Variants in SENP8 observed in about 807,000 individuals in gnomAD.
SENP8 encodes SUMO peptidase family member, NEDD8 specific.
Under a neutral mutation model 14.4 loss-of-function variants are expected in SENP8, and 10 were observed. That is an observed-to-expected ratio of 0.69 (90% CI 0.43 to 1.18). The LOEUF is 1.18. Among genes scored for constraint, SENP8 ranks in the 50% most tolerant of loss-of-function variants. The pLI is 0.00. For missense variants in SENP8, 202 were observed against 249.4 expected (o/e 0.81, Z 1.28); for synonymous variants, 94 against 95.5 (o/e 0.98, Z 0.09).
At position 72,141,580 on chromosome 15, in the gene SENP8, C is replaced by G. The variant is rs2081380672; in HGVS notation, c.*1318C>G. 6.6e-6 allele frequency: 1 copy of G among 152,214 alleles called. No homozygotes were observed. Among genetic ancestry groups the G allele is most frequent in the Admixed American group, 6.6e-5 (1 of 15,264 alleles). 9.4% of individuals were successfully genotyped at this position (152,214 alleles called of 1,614,324 possible). A position where few individuals can be genotyped will look rare whatever the true frequency, so the allele number is the denominator to read the frequency against. On this transcript the variant is annotated 3_prime_UTR_variant, in exon 2 of 2. Coordinates refer to ENST00000340912, the MANE Select transcript of SENP8 (RefSeq NM_145204.4). ...CCCCAGCCCTCATGGCCCAAAATAA[C>G]CTCACCACTCAGTGACCACAGAGAA...
chr15:72,130,557 ATTTTTTT>A (rs11411490), intron 1 of SENP8, among the ~76,000 whole-genome samples: 1 of 106,164 alleles, frequency 9.4e-6, no homozygotes, highest in Non-Finnish European at 1.8e-5. Flanking sequence ...ATGTTTTAGG[ATTTTTTT>A]TTTTTTTTTT....
At position 72,138,475 on chromosome 15, in the gene SENP8, G is replaced by A. The variant is rs1271180618; in HGVS notation, c.-47-1102G>A. Among the ~76,000 whole-genome samples, 5 of 150,486 alleles carry A rather than the reference G, an allele frequency of 3.3e-5. No individual in the cohort carries two copies. The East Asian group carries it at 8.0e-4, about 24-fold the overall frequency. On this transcript the variant is annotated intron_variant, in intron 1 of 1. Coordinates refer to ENST00000340912, the MANE Select transcript of SENP8 (RefSeq NM_145204.4). ...AGCAGTTCTCCCACCTCAGCCTTTC[G>A]AGTAGCTGGGATTACAGGCATGCCC...
chr15:72,137,430 A>G (rs2081337425), intron 1 of SENP8, among the ~76,000 whole-genome samples: 1 of 152,146 alleles, frequency 6.6e-6, no homozygotes, highest in African/African-American at 2.4e-5. Context: ...AAGAAGTCAA[A>G]AGAAGTTCTA....
upstream of SENP8, among the ~76,000 whole-genome samples, chr15:72,116,214 C>T (rs531286953): frequency 1.3e-5 from 2 of 152,092 alleles, no homozygotes; most frequent in Non-Finnish European, 2.9e-5. Context: ...ATTACTCTTC[C>T]GAAACTTTTG....
intron 1 of SENP8, among the ~76,000 whole-genome samples, chr15:72,131,200 T>A (rs1171830145): frequency 2.6e-5 from 4 of 152,122 alleles, no homozygotes; most frequent in African/African-American, 4.8e-5. Flanking sequence ...CAAGACCTCA[T>A]CTCTTAAAAT....
rs774881179 is a variant in SENP8 at position 72,139,692 on chromosome 15, G to T, written c.69G>T (p.Pro23=). ...LRQSDVSLLD[P]PSWLNDHIIG... Reference sequence around the variant, plus strand: ...AATCAGATGTCTCACTATTGGATCCGCCAAGCTGGCTCAATGACCATATTA... The same window carrying T: ...AATCAGATGTCTCACTATTGGATCCTCCAAGCTGGCTCAATGACCATATTA... The change falls in exon 2 of 2, where the codon CCG becomes CCT. Residue 23 remains proline (P), a synonymous_variant. Coordinates refer to ENST00000340912, the MANE Select transcript of SENP8 (RefSeq NM_145204.4). The T allele has an allele frequency of 6.2e-7, 1 of 1,614,142 alleles. No individual in the cohort carries two copies. Among genetic ancestry groups the T allele is most frequent in the Non-Finnish European group, 8.5e-7 (1 of 1,180,032 alleles).
In SENP8 at chr15:72,120,250, G is replaced by A. The variant is rs1300954329; in HGVS notation, c.-48+1786G>A. On this transcript the variant is annotated intron_variant, in intron 1 of 1. Transcript: ENST00000340912. ...AAAATTACCGTATTAGGGAAAGCAGGCCTTTAAACAAAGAATTCACTTGGC... is the reference window on the plus strand; with the variant it reads ...AAAATTACCGTATTAGGGAAAGCAGACCTTTAAACAAAGAATTCACTTGGC... Among the ~76,000 whole-genome samples the A allele has an allele frequency of 5.3e-5, 8 of 152,182 alleles. 1 individual carries two copies. Among genetic ancestry groups the A allele is most frequent in the Admixed American group, 5.2e-4 (8 of 15,270 alleles).
intron 1 of SENP8, among the ~76,000 whole-genome samples, chr15:72,136,270 C>T (rs867344190): frequency 6.6e-6 from 1 of 152,172 alleles, no homozygotes; most frequent in African/African-American, 2.4e-5. Context: ...TATTTTACCT[C>T]TCCTGAGCAA....
upstream of SENP8, among the ~76,000 whole-genome samples, chr15:72,117,504 TG>T: frequency 7.1e-6 from 1 of 141,094 alleles, no homozygotes; most frequent in South Asian, 2.2e-4. Context: ...ATACAGGGGG[TG>T]GGGTCTACTG....
rs2081388103 is a variant in SENP8, at chr15:72,142,697, A to G, written c.*2435A>G. 6.6e-6 allele frequency: 1 copy of G among 152,234 alleles called. No homozygotes were observed. The highest frequency in any genetic ancestry group is 2.4e-5 in the African/African-American group (1 of 41,454). 9.4% of individuals were successfully genotyped at this position (152,234 alleles called of 1,614,324 possible). ...TAAGTATCAGTGGGTTTCCTATGTAATAGTGTTTAAAACACAAATATTTCA... is the reference window on the plus strand; with the variant it reads ...TAAGTATCAGTGGGTTTCCTATGTAGTAGTGTTTAAAACACAAATATTTCA... On this transcript the variant is annotated 3_prime_UTR_variant, in exon 2 of 2. Coordinates refer to ENST00000340912, the MANE Select transcript of SENP8 (RefSeq NM_145204.4).
intron 1 of SENP8, among the ~76,000 whole-genome samples, chr15:72,124,887 G>C (rs2081201945): frequency 6.6e-6 from 1 of 152,014 alleles, no homozygotes; most frequent in Non-Finnish European, 1.5e-5. Context: ...TATCGTTCTT[G>C]ATTATTTTTC....
At chr15:72,124,597 G>A (rs189681094) in intron 1 of SENP8, among the ~76,000 whole-genome samples, 65 of 152,228 alleles carry the variant, frequency 4.3e-4, no homozygotes, top group African/African-American at 1.5e-3. Context: ...TTAAATATTT[G>A]TGTTTGAACA....
chr15:72,137,646 A>G (rs990624583), intron 1 of SENP8, among the ~76,000 whole-genome samples: 3 of 152,178 alleles, frequency 2.0e-5, no homozygotes, highest in Admixed American at 1.3e-4. Flanking sequence ...CCATTATGGA[A>G]GGAGGAAGCA....
intron 1 of SENP8, among the ~76,000 whole-genome samples, chr15:72,122,958 C>G (rs1213096019): frequency 1.3e-5 from 2 of 152,140 alleles, no homozygotes; most frequent in Non-Finnish European, 2.9e-5. Context: ...GTTTGAAAAC[C>G]TTAGGCTTGC....
rs545863053 is a variant in SENP8 at position 72,141,388 on chromosome 15, G to C, written c.*1126G>C. On this transcript the variant is annotated 3_prime_UTR_variant, in exon 2 of 2. Transcript: ENST00000340912. ...GAAATACTATCCCTCCAGAAGCACT[G>C]ATGTGTTTCAGTTGTTTCAAATAGT... is the stretch of plus-strand genomic sequence containing the variant. 6 of 152,194 alleles carry C rather than the reference G, an allele frequency of 3.9e-5. No homozygotes were observed. Among genetic ancestry groups the C allele is most frequent in the Non-Finnish European group, 8.8e-5 (6 of 68,038 alleles). 9.4% of individuals were successfully genotyped at this position (152,194 alleles called of 1,614,324 possible). A position where few individuals can be genotyped will look rare whatever the true frequency, so the allele number is the denominator to read the frequency against.
At chr15:72,130,495 C>T (rs2081262346) in intron 1 of SENP8, among the ~76,000 whole-genome samples, 1 of 151,056 alleles carries the variant, frequency 6.6e-6, no homozygotes, top group Non-Finnish European at 1.5e-5. Context: ...GGCAGTGGGC[C>T]AGATTTGGCC....
chr15:72,124,437 A>G (rs1314574716), intron 1 of SENP8, among the ~76,000 whole-genome samples: 1 of 152,192 alleles, frequency 6.6e-6, no homozygotes, highest in Admixed American at 6.6e-5. Flanking sequence ...TGAAACCCCA[A>G]AAAAAAGCCA....
At chr15:72,114,706 A>G (rs1486945593), upstream of SENP8, among the ~76,000 whole-genome samples, 1 of 152,210 alleles carries the variant, frequency 6.6e-6, no homozygotes, top group Admixed American at 6.5e-5. Flanking sequence ...TCCATTAGGC[A>G]GTGCTTTTAC....
At chr15:72,122,352 A>G (rs2081176164) in intron 1 of SENP8, among the ~76,000 whole-genome samples, 2 of 151,128 alleles carry the variant, frequency 1.3e-5, no homozygotes, top group Non-Finnish European at 2.9e-5. Flanking sequence ...AACTTCTTGG[A>G]TGGGAAAGAA....
Sources: gnomAD v4.1 joint callset for allele counts (sites outside exome capture counted in the v4.1 genomes callset) on GRCh38, gnomAD v4.1.1 for gene constraint, MANE v1.5 for transcripts, NCBI Gene and HGNC (gene_info 2026-07-23, HGNC 2026-07-21) for gene names.